The following PTPRN2 variants were observed in gnomAD, a reference collection of about 807,000 sequenced individuals.
PTPRN2 encodes receptor-type tyrosine-protein phosphatase N2.
A neutral mutation model predicts 118.8 loss-of-function variants in PTPRN2; 74 were observed. The observed-to-expected ratio is 0.62, with a 90% CI of 0.52 to 0.76. The LOEUF is 0.76. Ranked by LOEUF, PTPRN2 falls within the 30% of genes least tolerant of loss-of-function variation. The pLI is 0.00. For missense variants in PTPRN2, 1,481 were observed against 1,394.4 expected, an observed-to-expected ratio of 1.06 and a Z score of -0.99; for synonymous variants, 641 against 608.0, an observed-to-expected ratio of 1.05 and a Z score of -0.80.
intron 2 of PTPRN2, among the ~76,000 whole-genome samples, chr7:158,371,236 T>A (rs1809965996): frequency 6.6e-6 from 1 of 152,052 alleles, no homozygotes; most frequent in African/African-American, 2.4e-5. Context: ...AAAACCTTTT[T>A]TTGGTAGGAA....
At chr7:157,704,260 C>T (rs59155553) in intron 12 of PTPRN2, among the ~76,000 whole-genome samples, 13,613 of 152,076 alleles carry the variant, frequency 0.09, 905 homozygotes, top group East Asian at 0.31. Context: ...GAACTGATCC[C>T]GGGAGCTCTT....
intron 10 of PTPRN2, among the ~76,000 whole-genome samples, chr7:158,091,557 A>G (rs1194751508): frequency 1.3e-5 from 2 of 152,046 alleles, no homozygotes; most frequent in Non-Finnish European, 2.9e-5. Flanking sequence ...AGTGAAGCCC[A>G]TAACATGAAT....
intron 12 of PTPRN2, among the ~76,000 whole-genome samples, chr7:157,885,449 G>T (rs1796399467): frequency 6.6e-6 from 1 of 152,184 alleles, no homozygotes; most frequent in African/African-American, 2.4e-5. Flanking sequence ...AGAAGGGCAT[G>T]GGGCTTTCAG....
chr7:157,776,824 T>TCTCTTC (rs777068392), intron 12 of PTPRN2, among the ~76,000 whole-genome samples: 520 of 7,270 alleles, frequency 0.072, 15 homozygotes, highest in Non-Finnish European at 0.094. Flanking sequence ...TCCTCCTCCC[T>TCTCTTC]CTCCTCCCTC....
intron 21 of PTPRN2, among the ~76,000 whole-genome samples, chr7:157,565,141 T>A (rs1279802639): frequency 6.6e-6 from 1 of 152,158 alleles, no homozygotes; most frequent in East Asian, 1.9e-4. Context: ...AAGTGATCCA[T>A]CCCCGTAGGC....
chr7:158,529,370 G>A lies in PTPRN2; in HGVS notation c.113-39585C>T, dbSNP rs987850174. ...CCCCAGAGCAAGCATTGGCTGTGTCGGCAGAGGAAGGTGGGAAGGCCCAGG... is the reference window on the plus strand; with the variant it reads ...CCCCAGAGCAAGCATTGGCTGTGTCAGCAGAGGAAGGTGGGAAGGCCCAGG... On this transcript the variant is annotated intron_variant, in intron 1 of 22. Coordinates refer to ENST00000389418, the MANE Select transcript of PTPRN2 (RefSeq NM_002847.5). This position sits in a 1 kb window ranked among gnomAD's most constrained non-coding sequence, Gnocchi z 4.7. Among the ~76,000 whole-genome samples the A allele has an allele frequency of 7.2e-5, 11 of 152,208 alleles. No individual in the cohort carries two copies. Among genetic ancestry groups the A allele is most frequent in the East Asian group, 1.9e-4 (1 of 5,202 alleles).
At position 158,351,678 on chromosome 7, in the gene PTPRN2, C is replaced by T. The variant is rs140075129; in HGVS notation, c.164-34746G>A. Among the ~76,000 whole-genome samples the T allele has an allele frequency of 1.7e-4, 26 of 152,268 alleles. No homozygotes were observed. The East Asian group carries it at 4.5e-3, about 26-fold the overall frequency. On this transcript the variant is annotated intron_variant, in intron 2 of 22. Transcript: ENST00000389418. ...TCAACAACTCCATGTGAACACCTGC[C>T]CTGGCATGCAGGCAGCCGGGCCAGT... is the stretch of plus-strand genomic sequence containing the variant.
chr7:157,690,385 C>T lies in PTPRN2; in HGVS notation c.1789-7448G>A, dbSNP rs558137748. Among the ~76,000 whole-genome samples the T allele has an allele frequency of 6.6e-6, 1 of 152,326 alleles. No individual in the cohort carries two copies. The highest frequency in any genetic ancestry group is 2.1e-4 in the South Asian group (1 of 4,830). Reference sequence around the variant, plus strand: ...GCCCGTTAGAGCCCCCATGCGCGCCCTCCAGCCTTCGAAAGCTCTCTTCCT... The same window carrying T: ...GCCCGTTAGAGCCCCCATGCGCGCCTTCCAGCCTTCGAAAGCTCTCTTCCT... On this transcript the variant is annotated intron_variant, in intron 12 of 22. Transcript: ENST00000389418. The surrounding 1 kb of genome is among the most constrained non-coding windows in gnomAD (Gnocchi z 7.1).
At chr7:157,946,393 G>C (rs1054978069) in intron 11 of PTPRN2, among the ~76,000 whole-genome samples, 1 of 152,202 alleles carries the variant, frequency 6.6e-6, no homozygotes, top group Non-Finnish European at 1.5e-5. Context: ...AATCACTGAG[G>C]CCAAGAATAG....
intron 12 of PTPRN2, among the ~76,000 whole-genome samples, chr7:157,694,969 A>T (rs1467126761): frequency 6.6e-6 from 1 of 152,120 alleles, no homozygotes; most frequent in African/African-American, 2.4e-5. Context: ...TGAATAAAAA[A>T]TATAATATAT....
intron 4 of PTPRN2, among the ~76,000 whole-genome samples, chr7:158,198,210 T>C (rs1171024165): frequency 6.6e-6 from 1 of 152,212 alleles, no homozygotes; most frequent in Non-Finnish European, 1.5e-5. Context: ...CCTCTGTCCA[T>C]GCCTGGGGAC....
rs1184240949 is a variant in PTPRN2 at position 158,023,545 on chromosome 7, G to A, written c.1723+57753C>T. On this transcript the variant is annotated intron_variant, in intron 11 of 22. Coordinates refer to ENST00000389418, the MANE Select transcript of PTPRN2 (RefSeq NM_002847.5). ...CAGCACTGTCCCATCCACTGCAAAG[G>A]AGAAGAGCCGAGGAGCGAGTTCCTT... 2.0e-5 allele frequency among the ~76,000 whole-genome samples: 3 copies of A among 152,142 alleles called. No individual in the cohort carries two copies. In the South Asian group the frequency reaches 6.2e-4, roughly 32 times the overall value.
At chr7:158,087,702 TGAA>T (rs1356354647) in intron 10 of PTPRN2, among the ~76,000 whole-genome samples, 1 of 50,046 alleles carries the variant, frequency 2.0e-5, no homozygotes, top group African/African-American at 4.1e-5. Context: ...CTTCCCCTGA[TGAA>T]GGAGGGAGTC....
At chr7:157,959,274 G>A (rs1023497660) in intron 11 of PTPRN2, among the ~76,000 whole-genome samples, 1 of 152,180 alleles carries the variant, frequency 6.6e-6, no homozygotes, top group African/African-American at 2.4e-5. Context: ...GAAGACTTAG[G>A]GGGAAGCTTC....
At chr7:158,198,141 A>T (rs1201085899) in intron 4 of PTPRN2, among the ~76,000 whole-genome samples, 4 of 152,166 alleles carry the variant, frequency 2.6e-5, no homozygotes, top group Non-Finnish European at 5.9e-5. Flanking sequence ...TTGCTAATCA[A>T]TGCAAATGGA....
rs1802360557 is a variant in PTPRN2 at position 157,611,819 on chromosome 7, G to A, written c.2345-7744C>T. 6.8e-6 allele frequency among the ~76,000 whole-genome samples: 1 copy of A among 147,678 alleles called. No individual in the cohort carries two copies. The highest frequency in any genetic ancestry group is 1.5e-5 in the Non-Finnish European group (1 of 66,516). ...GGAGGGAGAGCGCCCGTGTGAAGAC[G>A]AAGACAGCCGCAGTCATGCTGGGGA... On this transcript the variant is annotated intron_variant, in intron 15 of 22. Coordinates refer to ENST00000389418, the MANE Select transcript of PTPRN2 (RefSeq NM_002847.5). The surrounding 1 kb of genome is among the most constrained non-coding windows in gnomAD (Gnocchi z 5.9).
intron 2 of PTPRN2, among the ~76,000 whole-genome samples, chr7:158,396,093 C>T (rs1812473288): frequency 6.6e-6 from 1 of 152,308 alleles, no homozygotes; most frequent in Admixed American, 6.5e-5. Context: ...AGACCAAGCT[C>T]CCAGGCTGCA....
intron 11 of PTPRN2, among the ~76,000 whole-genome samples, chr7:157,916,383 G>A (rs1798397130): frequency 6.6e-6 from 1 of 152,196 alleles, no homozygotes; most frequent in African/African-American, 2.4e-5. Context: ...TTCAAAATGG[G>A]GGCTCTGGGA....
At position 157,929,018 on chromosome 7, in the gene PTPRN2, G is replaced by T. The variant is rs1423955502; in HGVS notation, c.1724-30281C>A. On this transcript the variant is annotated intron_variant, in intron 11 of 22. Coordinates refer to ENST00000389418, the MANE Select transcript of PTPRN2 (RefSeq NM_002847.5). The surrounding 1 kb of genome is among the most constrained non-coding windows in gnomAD (Gnocchi z 4.4). ...CAGGGCAGGAGGGGACATGGAGATG[G>T]TTTAACCTCACATGCCCACTTTAGA... Among the ~76,000 whole-genome samples, 4 of 152,146 alleles carry T rather than the reference G, an allele frequency of 2.6e-5. No individual in the cohort carries two copies. The highest frequency in any genetic ancestry group is 9.7e-5 in the African/African-American group (4 of 41,422).
Sources: gnomAD v4.1 joint callset for allele counts (sites outside exome capture counted in the v4.1 genomes callset) on GRCh38, gnomAD v4.1.1 for gene constraint, Gnocchi (gnomAD v3.1) non-coding constraint, MANE v1.5 for transcripts, NCBI Gene and HGNC (gene_info 2026-07-23, HGNC 2026-07-21) for gene names.